Variants in ROBO2 observed in about 807,000 individuals in gnomAD.
The protein encoded by ROBO2 is roundabout guidance receptor 2, also known as roundabout homolog 2.
ROBO2 carries 53 observed loss-of-function variants against 160.8 expected under a neutral mutation model. That is an observed-to-expected ratio of 0.33 (90% CI 0.26 to 0.41). The LOEUF is 0.41. ROBO2 is among the 10% of genes least tolerant of loss of function. ROBO2 has a pLI of 1.00. For missense variants in ROBO2, 1,577 were observed against 1,722.4 expected, an observed-to-expected ratio of 0.92 and a Z score of 1.49; for synonymous variants, 664 against 611.7, an observed-to-expected ratio of 1.09 and a Z score of -1.26.
In ROBO2 at chr3:76,839,294, CTTG is replaced by C. The variant is rs1179011495; in HGVS notation, c.110-258719_110-258717del. Among the ~76,000 whole-genome samples, 3 of 152,088 alleles carry C rather than the reference CTTG, an allele frequency of 2.0e-5. No homozygotes were observed. In the East Asian group the frequency reaches 5.8e-4, roughly 29 times the overall value. On this transcript the variant is annotated intron_variant, in intron 2 of 26. Coordinates refer to the ROBO2 transcript ENST00000487694. ...TGTTGACATTCAGTGAAATAAAAGC[CTTG>C]GACTCAGACACAATAGAGTTTAAAG...
chr3:76,105,185 GAA>G (rs1202379182), intron 2 of ROBO2, among the ~76,000 whole-genome samples: 1 of 141,574 alleles, frequency 7.1e-6, no homozygotes. Context: ...CCTGTACTTA[GAA>G]AAAAAAAAAC....
At chr3:77,452,964 C>T (rs570017221) in intron 2 of ROBO2, among the ~76,000 whole-genome samples, 18 of 152,186 alleles carry the variant, frequency 1.2e-4, no homozygotes, top group African/African-American at 4.3e-4. Context: ...AGGAATTCAT[C>T]CATCTCCTCA....
intron 2 of ROBO2, among the ~76,000 whole-genome samples, chr3:77,034,375 T>G (rs2063502102): frequency 7.3e-6 from 1 of 137,734 alleles, no homozygotes; most frequent in African/African-American, 3.0e-5. Context: ...TAGTATTCTT[T>G]GTTAAAAAAA....
At chr3:77,388,615 T>G (rs1274158623) in intron 2 of ROBO2, among the ~76,000 whole-genome samples, 1 of 152,192 alleles carries the variant, frequency 6.6e-6, no homozygotes, top group Non-Finnish European at 1.5e-5. Flanking sequence ...TTATTCTGTG[T>G]TGTATATATT....
chr3:76,340,979 T>G (rs1516476), intron 2 of ROBO2, among the ~76,000 whole-genome samples: 143,755 of 152,158 alleles, frequency 0.94, 68,341 homozygotes, highest in Non-Finnish European at 1. Flanking sequence ...TCTCATTTGT[T>G]TTGTGAATCT....
intron 2 of ROBO2, among the ~76,000 whole-genome samples, chr3:76,806,214 C>G (rs796894479): frequency 1.4e-5 from 2 of 146,168 alleles, no homozygotes; most frequent in Non-Finnish European, 3.0e-5. Flanking sequence ...TTTCTGTGTG[C>G]GTGTGTGTGT....
Position 76,568,445 on chromosome 3 carries a change from T to C in ROBO2, c.110-529569T>C, listed in dbSNP as rs373151938. On this transcript the variant is annotated intron_variant, in intron 2 of 26. Transcript: ENST00000487694. ...CCCGAGTAGCTGGGACCACAGGCGC[T>C]GCCACCACGCCCAGATAATTTTTTT... Among the ~76,000 whole-genome samples the C allele has an allele frequency of 2.7e-4, 40 of 147,508 alleles. 1 individual carries two copies. In the South Asian group the frequency reaches 2.9e-3, roughly 11 times the overall value.
In ROBO2 at chr3:76,580,630, C is replaced by A. The variant is rs373542171; in HGVS notation, c.110-517384C>A. ...ATTGGCCAACAACCACCCTTTTAAC[C>A]CCCAAGAATAAATATGTCATTATCT... On this transcript the variant is annotated intron_variant, in intron 2 of 26. Coordinates refer to the ROBO2 transcript ENST00000487694. Among the ~76,000 whole-genome samples the A allele has an allele frequency of 2.8e-4, 42 of 151,888 alleles. 2 individuals are homozygous for A. The highest frequency in any genetic ancestry group is 2.7e-3 in the South Asian group (13 of 4,792).
At chr3:76,982,353 A>G (rs1423203766) in intron 2 of ROBO2, among the ~76,000 whole-genome samples, 2 of 152,186 alleles carry the variant, frequency 1.3e-5, no homozygotes, top group African/African-American at 4.8e-5. Flanking sequence ...ATCAAATACT[A>G]TTGCACCATT....
At chr3:76,855,427 G>A (rs1445531334) in intron 2 of ROBO2, among the ~76,000 whole-genome samples, 2 of 152,146 alleles carry the variant, frequency 1.3e-5, no homozygotes, top group East Asian at 1.9e-4. Context: ...AGAGGGTGCC[G>A]CTAATGGATA....
intron 2 of ROBO2, among the ~76,000 whole-genome samples, chr3:76,843,460 T>G (rs954442795): frequency 6.6e-6 from 1 of 152,038 alleles, no homozygotes; most frequent in Admixed American, 6.6e-5. Context: ...CACTGGTCTG[T>G]GTGGCTGGTG....
At chr3:76,791,653 A>G (rs2063360600) in intron 2 of ROBO2, among the ~76,000 whole-genome samples, 1 of 151,752 alleles carries the variant, frequency 6.6e-6, no homozygotes, top group African/African-American at 2.4e-5. Context: ...ATCTCATGAG[A>G]GAGGCTTAGC....
intron 2 of ROBO2, among the ~76,000 whole-genome samples, chr3:77,257,445 C>T (rs1268737410): frequency 1.3e-5 from 2 of 152,114 alleles, no homozygotes; most frequent in African/African-American, 2.4e-5. Flanking sequence ...TAGTCAAATG[C>T]AGAGACCATG....
intron 2 of ROBO2, among the ~76,000 whole-genome samples, chr3:76,917,429 T>C (rs757264103): frequency 4.6e-5 from 7 of 152,124 alleles, no homozygotes; most frequent in Non-Finnish European, 7.4e-5. Context: ...GATTGATAAG[T>C]GTATGCTGAG....
At chr3:77,347,360 G>A (rs1411301854) in intron 2 of ROBO2, among the ~76,000 whole-genome samples, 1 of 151,796 alleles carries the variant, frequency 6.6e-6, no homozygotes, top group Non-Finnish European at 1.5e-5. Context: ...AAATAAATAA[G>A]CAGACATCAT....
At chr3:76,722,634 C>A (rs2093483767) in intron 2 of ROBO2, among the ~76,000 whole-genome samples, 1 of 152,200 alleles carries the variant, frequency 6.6e-6, no homozygotes, top group African/African-American at 2.4e-5. Context: ...AGGCTGGCCC[C>A]AGGGTCAATC....
chr3:76,189,457 T>C (rs1701909222), intron 2 of ROBO2, among the ~76,000 whole-genome samples: 1 of 152,060 alleles, frequency 6.6e-6, no homozygotes, highest in Admixed American at 6.6e-5. Flanking sequence ...CAGCATCACA[T>C]AGTGGCTTCT....
chr3:77,063,924 C>T (rs903438904), intron 1 of ROBO2, among the ~76,000 whole-genome samples: 5 of 152,130 alleles, frequency 3.3e-5, no homozygotes, highest in Non-Finnish European at 5.9e-5. Context: ...CCTATCTATC[C>T]TTGTAAGTTT....
intron 2 of ROBO2, among the ~76,000 whole-genome samples, chr3:76,745,798 T>C (rs1017760147): frequency 2.1e-5 from 2 of 93,308 alleles, no homozygotes; most frequent in African/African-American, 7.9e-5. Flanking sequence ...AAAAAATTTA[T>C]TTTTATTTAT....
Sources: allele counts gnomAD v4.1 joint callset (sites outside exome capture counted in the v4.1 genomes callset), GRCh38; gene constraint gnomAD v4.1.1; transcripts MANE v1.5; gene names NCBI Gene and HGNC (gene_info 2026-07-23, HGNC 2026-07-21).